ATRN: variants seen among roughly 807,000 people sequenced by gnomAD.
ATRN encodes the protein attractin-2.
Under a neutral mutation model 178.7 loss-of-function variants are expected in ATRN, and 54 were observed. The observed-to-expected ratio is 0.30, with a 90% CI of 0.24 to 0.38. The LOEUF is 0.38. Among genes scored for constraint, ATRN ranks in the 10% least tolerant of loss-of-function variants. The probability of loss-of-function intolerance (pLI) is 1.00; values close to 1 mark genes in which losing one functional copy is unlikely to be tolerated. For missense variants in ATRN, 1,443 were observed against 1,815.1 expected, an observed-to-expected ratio of 0.79 and a Z score of 3.73; for synonymous variants, 636 against 663.0, an observed-to-expected ratio of 0.96 and a Z score of 0.63.
rs1255708212 is a variant in ATRN at position 3,584,194 on chromosome 20, A to G, written c.2950+111A>G. ...GAACATTTTAGAAACAAGACTGGAC[A>G]TGACCTCTGCTCAAACCTGACCAGA... On this transcript the variant is annotated intron_variant, in intron 17 of 28. Coordinates refer to ENST00000262919, the MANE Select transcript of ATRN (RefSeq NM_139321.3). 4.1e-6 allele frequency: 5 copies of G among 1,211,222 alleles called. No individual in the cohort carries two copies. The African/African-American group carries it at 4.5e-5, about 11-fold the overall frequency. The allele number at this position is 1,211,222 out of a possible 1,614,324, so 75.0% of individuals were successfully genotyped here.
At chr20:3,635,778 A>T (rs1235439575) in intron 26 of ATRN, among the ~76,000 whole-genome samples, 1 of 152,178 alleles carries the variant, frequency 6.6e-6, no homozygotes, top group Non-Finnish European at 1.5e-5. Context: ...CATAAAGATG[A>T]TGTTATCATA....
intron 25 of ATRN, among the ~76,000 whole-genome samples, chr20:3,627,968 C>T (rs914723481): frequency 4.6e-4 from 70 of 152,140 alleles, no homozygotes; most frequent in African/African-American, 1.6e-3. Flanking sequence ...GTCAGGAGAT[C>T]GAGACCATCC....
intron 1 of ATRN, among the ~76,000 whole-genome samples, chr20:3,513,610 A>G (rs1446076690): frequency 6.6e-6 from 1 of 152,196 alleles, no homozygotes; most frequent in Non-Finnish European, 1.5e-5. Flanking sequence ...TTGGTTCCAT[A>G]TGAACTTTAA....
intron 24 of ATRN, among the ~76,000 whole-genome samples, chr20:3,606,407 A>G (rs999199604): frequency 1.4e-5 from 2 of 147,608 alleles, no homozygotes; most frequent in Admixed American, 6.9e-5. Flanking sequence ...GGGCTTGTCT[A>G]GGATTCAGAC....
At chr20:3,636,952 A>C (rs1170802667) in intron 26 of ATRN, among the ~76,000 whole-genome samples, 1 of 152,258 alleles carries the variant, frequency 6.6e-6, no homozygotes, top group Non-Finnish European at 1.5e-5. Context: ...ACAATGTAGT[A>C]GAGATTTGCC....
chr20:3,542,897 C>T (rs916477757), intron 3 of ATRN, among the ~76,000 whole-genome samples: 22 of 151,710 alleles, frequency 1.5e-4, no homozygotes, highest in African/African-American at 5.1e-4. Flanking sequence ...CCTTGGCCTC[C>T]CAAAGTGTTG....
chr20:3,499,508 A>G lies in ATRN; in HGVS notation c.410+27991A>G, dbSNP rs1392087147. Among the ~76,000 whole-genome samples the G allele has an allele frequency of 4.0e-5, 6 of 151,534 alleles. No individual in the cohort carries two copies. In the East Asian group the frequency reaches 1.2e-3, roughly 29 times the overall value. Reference sequence around the variant, plus strand: ...GAGATATAGATCAATGGAACAGAACAGAGCCCTCAGAAATAACACCTCATA... The same window carrying G: ...GAGATATAGATCAATGGAACAGAACGGAGCCCTCAGAAATAACACCTCATA... On this transcript the variant is annotated intron_variant, in intron 1 of 28. Coordinates refer to ENST00000262919, the MANE Select transcript of ATRN (RefSeq NM_139321.3).
chr20:3,535,477 AT>A (rs1410422742), intron 2 of ATRN, 141 bp downstream of exon 2: 3 of 348,212 alleles, frequency 8.6e-6, no homozygotes, highest in African/African-American at 6.5e-5. Context: ...TGACAAGTGA[AT>A]TTTATCTTAG....
intron 6 of ATRN, among the ~76,000 whole-genome samples, chr20:3,551,936 A>G (rs1206907481): frequency 6.6e-6 from 1 of 152,194 alleles, no homozygotes; most frequent in African/African-American, 2.4e-5. Context: ...ATCACTGGCC[A>G]CATGTGGTTA....
chr20:3,514,396 C>G (rs6084400), intron 1 of ATRN, among the ~76,000 whole-genome samples: 19 of 151,860 alleles, frequency 1.3e-4, no homozygotes, highest in African/African-American at 4.6e-4. Context: ...TTATAAAAAC[C>G]TGAAAGAAAA....
intron 14 of ATRN, among the ~76,000 whole-genome samples, chr20:3,577,527 C>G (rs1282018404): frequency 6.6e-6 from 1 of 152,104 alleles, no homozygotes; most frequent in African/African-American, 2.4e-5. Context: ...CTGAGACCAG[C>G]CAGCCATGTG....
At chr20:3,637,666 G>A (rs2595588) in intron 26 of ATRN, among the ~76,000 whole-genome samples, 58,927 of 151,834 alleles carry the variant, frequency 0.39, 12,174 homozygotes, top group African/African-American at 0.52. Context: ...GTGAACGGCC[G>A]TTCACCATGT....
intron 2 of ATRN, among the ~76,000 whole-genome samples, chr20:3,536,198 T>G (rs1475575338): frequency 6.6e-6 from 1 of 151,958 alleles, no homozygotes; most frequent in Non-Finnish European, 1.5e-5. Flanking sequence ...CAAATAAGTT[T>G]ATTTATTATT....
At chr20:3,601,080 G>A in intron 23 of ATRN, 56 bp downstream of exon 23, 1 of 1,485,636 alleles carries the variant, frequency 6.7e-7, no homozygotes, top group Non-Finnish European at 9.3e-7. Context: ...ATTAAGAAAT[G>A]TAATATAGGA....
At chr20:3,522,881 GACGTCCATACAGAA>G (rs891780923) in intron 1 of ATRN, among the ~76,000 whole-genome samples, 8 of 152,074 alleles carry the variant, frequency 5.3e-5, no homozygotes, top group Admixed American at 3.3e-4. Context: ...CAACAAAAAG[GACGTCCATACAGAA>G]ACCCCATCCA....
chr20:3,542,760 G>A (rs972629808), intron 3 of ATRN, among the ~76,000 whole-genome samples: 1 of 151,398 alleles, frequency 6.6e-6, no homozygotes, highest in African/African-American at 2.4e-5. Flanking sequence ...CCCAGTAGCT[G>A]GGACCACAAA....
intron 1 of ATRN, among the ~76,000 whole-genome samples, chr20:3,524,879 C>G (rs1225014673): frequency 1.3e-5 from 2 of 152,124 alleles, no homozygotes; most frequent in Non-Finnish European, 2.9e-5. Flanking sequence ...ACACGACATA[C>G]CAGAATCTCT....
chr20:3,484,911 T>TAA (rs1478237358), intron 1 of ATRN, among the ~76,000 whole-genome samples: 1 of 63,992 alleles, frequency 1.6e-5, no homozygotes, highest in East Asian at 2.7e-4. Flanking sequence ...GATTTTAAAA[T>TAA]TATTATTATT....
rs770433989 is a variant in ATRN, at chr20:3,563,229, G to A, written c.1652G>A (p.Arg551Gln). Residue 551 changes from arginine (R) to glutamine (Q), a missense_variant, in exon 10 of 29, where the codon CGA (arginine) becomes CAA (glutamine). Transcript: ENST00000262919. ...AAAAGGACCATTCTTAAGGACAGCC[G>A]ATTTTTCCGTTACTTGCACACAGCT... ...TQMWTILKDS[R>Q]FFRYLHTAVI... The A allele has an allele frequency of 3.1e-6, 5 of 1,612,788 alleles. No homozygotes were observed. The highest frequency in any genetic ancestry group is 1.7e-5 in the Admixed American group (1 of 59,904).
Sources: gnomAD v4.1 joint callset for allele counts (sites outside exome capture counted in the v4.1 genomes callset) on GRCh38, gnomAD v4.1.1 for gene constraint, MANE v1.5 for transcripts, NCBI Gene and HGNC (gene_info 2026-07-23, HGNC 2026-07-21) for gene names.